ASIC2: variants seen among roughly 807,000 people sequenced by gnomAD.
ASIC2 encodes the protein acid sensing ion channel subunit 2.
In ASIC2, 25 loss-of-function variants were observed where a neutral mutation model predicts 57.3. That is an observed-to-expected ratio of 0.44 (90% CI 0.32 to 0.61). ASIC2 has a LOEUF of 0.61. ASIC2 is among the 20% of genes least tolerant of loss of function. ASIC2 has a pLI of 0.06. For missense variants in ASIC2, 641 were observed against 738.1 expected (o/e 0.87, Z 1.52); for synonymous variants, 319 against 307.5 (o/e 1.04, Z -0.39).
intron 1 of ASIC2, among the ~76,000 whole-genome samples, chr17:33,618,049 T>C (rs1905662552): frequency 6.6e-6 from 1 of 152,112 alleles, no homozygotes; most frequent in African/African-American, 2.4e-5. Context: ...GTAGACTCCT[T>C]CTCAGACCAA....
At position 33,894,456 on chromosome 17, in the gene ASIC2, C is replaced by A. The variant is rs899742380; in HGVS notation, c.555+261522G>T. On this transcript the variant is annotated intron_variant, in intron 1 of 9. Transcript: ENST00000359872. Reference sequence around the variant, plus strand: ...AAGCAGAGAACAGATATCAGCAGAGCGAGTTGTTCTCTCCTGGGTGCCCTC... The same window carrying A: ...AAGCAGAGAACAGATATCAGCAGAGAGAGTTGTTCTCTCCTGGGTGCCCTC... Among the ~76,000 whole-genome samples, 3 of 151,656 alleles carry A rather than the reference C, an allele frequency of 2.0e-5. No individual in the cohort carries two copies. The East Asian group carries it at 5.8e-4, about 29-fold the overall frequency.
chr17:34,103,628 T>C (rs1910942339), intron 1 of ASIC2, among the ~76,000 whole-genome samples: 1 of 152,174 alleles, frequency 6.6e-6, no homozygotes, highest in African/African-American at 2.4e-5. Context: ...TTAAATGTGG[T>C]GTGTGTGGTG....
At chr17:33,789,581 T>G (rs1911706741) in intron 1 of ASIC2, among the ~76,000 whole-genome samples, 1 of 152,050 alleles carries the variant, frequency 6.6e-6, no homozygotes, top group South Asian at 2.1e-4. Context: ...ACCCTAGCAC[T>G]GATGTTGTAT....
At chr17:33,277,246 C>T (rs186928248) in intron 1 of ASIC2, among the ~76,000 whole-genome samples, 1 of 152,302 alleles carries the variant, frequency 6.6e-6, no homozygotes, top group African/African-American at 2.4e-5. Flanking sequence ...AAGACTTCCC[C>T]TGGGAGGTGA....
intron 3 of ASIC2, among the ~76,000 whole-genome samples, chr17:33,038,758 T>C (rs2091919217): frequency 1.3e-5 from 2 of 152,256 alleles, no homozygotes; most frequent in African/African-American, 4.8e-5. Flanking sequence ...GAGAAGCTGA[T>C]GTTTGCCCTT....
chr17:33,475,425 T>C (rs1913188594), intron 1 of ASIC2, among the ~76,000 whole-genome samples: 1 of 152,244 alleles, frequency 6.6e-6, no homozygotes, highest in Non-Finnish European at 1.5e-5. Context: ...TTTTCCTAGA[T>C]ATCACTGCTT....
intron 1 of ASIC2, among the ~76,000 whole-genome samples, chr17:33,403,405 G>T (rs1156493534): frequency 6.6e-6 from 1 of 152,174 alleles, no homozygotes; most frequent in Admixed American, 6.5e-5. Flanking sequence ...TCCATCAGTT[G>T]TCTAGCTGGG....
At chr17:33,183,862 T>G (rs541510890) in intron 1 of ASIC2, among the ~76,000 whole-genome samples, 7 of 152,292 alleles carry the variant, frequency 4.6e-5, no homozygotes, top group Admixed American at 2.0e-4. Flanking sequence ...CAGCCTCTGG[T>G]TTTGAGTCAA....
intron 1 of ASIC2, among the ~76,000 whole-genome samples, chr17:33,523,351 G>A (rs1020454236): frequency 6.6e-6 from 1 of 152,120 alleles, no homozygotes; most frequent in Admixed American, 6.5e-5. Context: ...CCTACTCCCA[G>A]ATTTAAGCAA....
intron 1 of ASIC2, among the ~76,000 whole-genome samples, chr17:33,156,742 C>G (rs552853952): frequency 1.3e-5 from 2 of 151,838 alleles, no homozygotes; most frequent in Non-Finnish European, 2.9e-5. Context: ...GGCGACAGAG[C>G]GAGACTCCAT....
chr17:33,976,897 GC>G (rs1905409004), intron 1 of ASIC2, among the ~76,000 whole-genome samples: 1 of 152,118 alleles, frequency 6.6e-6, no homozygotes, highest in Non-Finnish European at 1.5e-5. Context: ...GGAGGAGGGT[GC>G]CTGTGATCAG....
At chr17:33,923,840 T>C (rs1915762837) in intron 1 of ASIC2, among the ~76,000 whole-genome samples, 1 of 152,188 alleles carries the variant, frequency 6.6e-6, no homozygotes. Context: ...CAGCCCATGC[T>C]AGACTACAGG....
chr17:33,462,419 A>C (rs1597736521), intron 1 of ASIC2, among the ~76,000 whole-genome samples: 1 of 152,290 alleles, frequency 6.6e-6, no homozygotes, highest in South Asian at 2.1e-4. Flanking sequence ...TCCTATGTGG[A>C]TAAGGTGGAG....
At chr17:33,869,799 T>A (rs1914341627) in intron 1 of ASIC2, among the ~76,000 whole-genome samples, 1 of 152,236 alleles carries the variant, frequency 6.6e-6, no homozygotes, top group African/African-American at 2.4e-5. Context: ...ATAATAAAAA[T>A]ATCCTAAAAT....
intron 1 of ASIC2, among the ~76,000 whole-genome samples, chr17:33,934,739 C>T (rs1916020755): frequency 6.6e-6 from 1 of 152,222 alleles, no homozygotes. Context: ...TGCTTTCTTT[C>T]CACCTTAGCC....
At chr17:33,448,055 A>G (rs2141988346) in intron 1 of ASIC2, among the ~76,000 whole-genome samples, 1 of 45,398 alleles carries the variant, frequency 2.2e-5, no homozygotes, top group South Asian at 6.5e-4. Context: ...TGCATAATAA[A>G]ATAAAATAAA....
At chr17:33,615,002 C>T (rs142572242) in intron 1 of ASIC2, among the ~76,000 whole-genome samples, 114 of 152,316 alleles carry the variant, frequency 7.5e-4, no homozygotes, top group African/African-American at 2.7e-3. Context: ...ACAAGTCAAA[C>T]TGGCAAATGG....
intron 1 of ASIC2, chr17:34,039,428 G>A: frequency 6.2e-7 from 1 of 1,613,788 alleles, no homozygotes; most frequent in Non-Finnish European, 8.5e-7. Flanking sequence ...ACTGACATGA[G>A]GGTTGGCAGA....
At chr17:33,591,877 C>G (rs1024737982) in intron 1 of ASIC2, among the ~76,000 whole-genome samples, 3 of 152,180 alleles carry the variant, frequency 2.0e-5, no homozygotes, top group African/African-American at 7.2e-5. Context: ...GCACCTTCAA[C>G]AGATCACTCA....
Sources: gnomAD v4.1 joint callset for allele counts (sites outside exome capture counted in the v4.1 genomes callset) on GRCh38, gnomAD v4.1.1 for gene constraint, MANE v1.5 for transcripts, NCBI Gene and HGNC (gene_info 2026-07-23, HGNC 2026-07-21) for gene names.